The following MAPKBP1 variants were observed in gnomAD, a reference collection of about 807,000 sequenced individuals.
MAPKBP1 encodes the protein mitogen-activated protein kinase-binding protein 1.
Under a neutral mutation model 170.5 loss-of-function variants are expected in MAPKBP1, and 71 were observed. The observed-to-expected ratio is 0.42, with a 90% CI of 0.34 to 0.51. The LOEUF is 0.51. Ranked by LOEUF, MAPKBP1 falls within the 20% of genes least tolerant of loss-of-function variation. MAPKBP1 has a pLI of 0.06. For missense variants in MAPKBP1, 1,598 were observed against 1,933.0 expected (o/e 0.83, Z 3.25); for synonymous variants, 719 against 757.9 (o/e 0.95, Z 0.84).
At chr15:41,811,033 G>A in intron 4 of MAPKBP1, 88 bp downstream of exon 4, 2 of 1,566,334 alleles carry the variant, frequency 1.3e-6, no homozygotes, top group Non-Finnish European at 1.8e-6. Flanking sequence ...TCTGGGGGCT[G>A]GGACCTGGTT....
Position 41,818,695 on chromosome 15 carries a change from C to G in MAPKBP1, c.2156+113C>G. 1 of 1,510,460 alleles carries G rather than the reference C, an allele frequency of 6.6e-7. No individual in the cohort carries two copies. Among genetic ancestry groups the G allele is most frequent in the African/African-American group, 1.4e-5 (1 of 72,598 alleles). 93.6% of individuals were successfully genotyped at this position (1,510,460 alleles called of 1,614,324 possible). A position where few individuals can be genotyped will look rare whatever the true frequency, so the allele number is the denominator to read the frequency against. ...TGGGAAGTGGGGTTAACAGGGATAG[C>G]TTTTGGCTGTGCTTGACCTGAAGTG... On this transcript the variant is annotated intron_variant, in intron 19 of 30. Transcript: ENST00000457542. The surrounding 1 kb of genome is among the most constrained non-coding windows in gnomAD (Gnocchi z 5.2).
chr15:41,774,956 T>A (rs1333190995), intron 1 of MAPKBP1: 1 of 486,042 alleles, frequency 2.1e-6, no homozygotes, highest in Admixed American at 3.7e-5. Flanking sequence ...GTTAAACGCC[T>A]CTGGCGGGCG....
chr15:41,818,690 G>A lies in MAPKBP1; in HGVS notation c.2156+108G>A. 6.6e-7 allele frequency: 1 copy of A among 1,505,990 alleles called. No homozygotes were observed. Among genetic ancestry groups the A allele is most frequent in the East Asian group, 2.3e-5 (1 of 43,384 alleles). The allele number at this position is 1,505,990 out of a possible 1,614,324, so 93.3% of individuals were successfully genotyped here. ...GTCTCTGGGAAGTGGGGTTAACAGG[G>A]ATAGCTTTTGGCTGTGCTTGACCTG... On this transcript the variant is annotated intron_variant, in intron 19 of 30. Transcript: ENST00000457542. The surrounding 1 kb of genome is among the most constrained non-coding windows in gnomAD (Gnocchi z 5.2).
In MAPKBP1 at chr15:41,774,520, C is replaced by G. The variant is rs1297826718; in HGVS notation, c.-200C>G. ...GCCACCATAGCTCCTGCTGCTGCCT[C>G]TACCGCTGCGGCTACCGCGGCGGAG... On this transcript the variant is annotated 5_prime_UTR_variant, in exon 1 of 31. Coordinates refer to ENST00000457542, the MANE Select transcript of MAPKBP1 (RefSeq NM_014994.3). 2 of 398,528 alleles carry G rather than the reference C, an allele frequency of 5.0e-6. No individual in the cohort carries two copies. The highest frequency in any genetic ancestry group is 8.8e-6 in the Non-Finnish European group (2 of 225,990). The allele number at this position is 398,528 out of a possible 1,614,324, so 24.7% of individuals were successfully genotyped here.
chr15:41,819,726 C>T, intron 22 of MAPKBP1, 76 bp downstream of exon 22: 4 of 1,455,720 alleles, frequency 2.7e-6, no homozygotes, highest in East Asian at 4.6e-5. Flanking sequence ...GCTCTCTGGG[C>T]CTGGTAGGGT....
At chr15:41,782,859 A>G (rs2064214815) in intron 2 of MAPKBP1, among the ~76,000 whole-genome samples, 1 of 152,230 alleles carries the variant, frequency 6.6e-6, no homozygotes, top group African/African-American at 2.4e-5. Context: ...ATAAAAGTCA[A>G]TTTAATGAAT....
chr15:41,811,951 C>G lies in MAPKBP1; in HGVS notation c.328-6C>G. ...GAACTCACTTCCAGTTCTTGCCTCC[C>G]TGCAGAGTGGGCACATGCCTGCCGT... On this transcript the variant is annotated splice_polypyrimidine_tract_variant and splice_region_variant and intron_variant, in intron 5 of 30. Coordinates refer to ENST00000457542, the MANE Select transcript of MAPKBP1 (RefSeq NM_014994.3). The G allele has an allele frequency of 6.2e-7, 1 of 1,614,034 alleles. No individual in the cohort carries two copies. The highest frequency in any genetic ancestry group is 8.5e-7 in the Non-Finnish European group (1 of 1,179,962).
In MAPKBP1 at chr15:41,819,313, G is replaced by T. The variant is rs1305136195; in HGVS notation, c.2359G>T (p.Asp787Tyr). 4 of 1,614,216 alleles carry T rather than the reference G, an allele frequency of 2.5e-6. No homozygotes were observed. The highest frequency in any genetic ancestry group is 1.1e-5 in the South Asian group (1 of 91,084). Residue 787 changes from aspartate (D) to tyrosine (Y), a missense_variant, in exon 21 of 31, where the codon GAT (aspartate) becomes TAT (tyrosine). Asp to Tyr is a radical substitution (Grantham distance 160). Coordinates refer to ENST00000457542, the MANE Select transcript of MAPKBP1 (RefSeq NM_014994.3). ...ATCAGACAGTGACAAGGAGGGAGAA[G>T]ATGAGGGGACTGAAGAAGAACTTCC... is the stretch of plus-strand genomic sequence containing the variant. ...LSSDSDKEGE[D>Y]EGTEEELPAL...
Position 41,823,860 on chromosome 15 carries a change from T to C in MAPKBP1, c.4012T>C (p.Trp1338Arg), listed in dbSNP as rs1053207932. The stretch of plus-strand genomic sequence containing the variant: ...AAAAGCTCACAGTACAACTGAGAGA[T>C]GGGCCTGTTTGGGGGAGGGCACCAC... Reference protein sequence around the residue: ...LGKAHSTTERWACLGEGTTPK... With the variant: ...LGKAHSTTERRACLGEGTTPK... The change falls in exon 29 of 31, where the codon TGG becomes CGG. Residue 1338 changes from tryptophan to arginine, a missense_variant. By Grantham distance (101) the Trp-to-Arg change is moderately radical. Around this residue, in one of 6 missense-constraint regions of MAPKBP1, gnomAD observed 942 missense variants for 953.2 expected, o/e 0.99. Coordinates refer to ENST00000457542, the MANE Select transcript of MAPKBP1 (RefSeq NM_014994.3). 6 of 1,614,050 alleles carry C rather than the reference T, an allele frequency of 3.7e-6. No individual in the cohort carries two copies.
At chr15:41,777,342 A>C (rs76714591) in intron 2 of MAPKBP1, among the ~76,000 whole-genome samples, 2 of 145,942 alleles carry the variant, frequency 1.4e-5, no homozygotes, top group Non-Finnish European at 3.0e-5. Context: ...CTCCGTCTCA[A>C]AAAAAAAAAA....
Position 41,813,041 on chromosome 15 carries a change from C to A in MAPKBP1, c.759C>A (p.Ser253=). The A allele has an allele frequency of 6.2e-7, 1 of 1,613,816 alleles. No homozygotes were observed. Among genetic ancestry groups the A allele is most frequent in the East Asian group, 2.2e-5 (1 of 44,888 alleles). Residue 253 remains serine, a synonymous_variant, in exon 8 of 31, where the codon TCC becomes TCA. Transcript: ENST00000457542. Reference sequence around the variant, plus strand: ...CGGACAGTACCTTCTGCATCACGTCCTCAGGGCTGCTGTGCGAGTTCAGTG... The same window carrying A: ...CGGACAGTACCTTCTGCATCACGTCATCAGGGCTGCTGTGCGAGTTCAGTG... ...KKADSTFCIT[S]SGLLCEFSDR... is the part of the protein sequence containing the mutation.
intron 2 of MAPKBP1, among the ~76,000 whole-genome samples, chr15:41,790,583 AG>A (rs1260351683): frequency 6.6e-6 from 1 of 152,166 alleles, no homozygotes; most frequent in Admixed American, 6.5e-5. Context: ...TTTTAATCTT[AG>A]TCTGGAGAAT....
At chr15:41,814,866 C>A in intron 10 of MAPKBP1, 127 bp downstream of exon 10, 1 of 1,201,752 alleles carries the variant, frequency 8.3e-7, no homozygotes, top group Non-Finnish European at 1.2e-6. Context: ...CCAGTGACTT[C>A]CCTGGGATAG....
At chr15:41,799,567 C>T (rs969633631) in intron 2 of MAPKBP1, among the ~76,000 whole-genome samples, 90 of 152,096 alleles carry the variant, frequency 5.9e-4, no homozygotes, top group African/African-American at 1.9e-3. Flanking sequence ...TATGCTTTAA[C>T]GAGTTGGTGT....
At chr15:41,819,549 G>GGGGGGT in intron 21 of MAPKBP1, 46 bp from the exon 22 acceptor site, 1 of 1,448,748 alleles carries the variant, frequency 6.9e-7, no homozygotes, top group Non-Finnish European at 9.3e-7. Flanking sequence ...TTGGGTGGCG[G>GGGGGGT]GGGGGGGGCA....
chr15:41,824,201 A>T, intron 29 of MAPKBP1, 140 bp downstream of exon 29: 1 of 1,192,020 alleles, frequency 8.4e-7, no homozygotes, highest in Non-Finnish European at 1.2e-6. Context: ...GCAGGTCCGT[A>T]AGTCACACCC....
intron 3 of MAPKBP1, among the ~76,000 whole-genome samples, chr15:41,807,925 G>A (rs996167617): frequency 3.3e-5 from 5 of 151,594 alleles, no homozygotes; most frequent in African/African-American, 1.2e-4. Context: ...TGTAATCCCA[G>A]CTACTGGGGA....
At chr15:41,821,503 G>A (rs1596098437) in intron 23 of MAPKBP1, 81 bp from the exon 24 acceptor site, 1 of 1,369,940 alleles carries the variant, frequency 7.3e-7, no homozygotes, top group Admixed American at 1.8e-5. Flanking sequence ...TTGGCCCCCA[G>A]GATACTCAGG....
chr15:41,778,709 A>G (rs1214822386), intron 2 of MAPKBP1, among the ~76,000 whole-genome samples: 1 of 152,182 alleles, frequency 6.6e-6, no homozygotes, highest in Non-Finnish European at 1.5e-5. Context: ...TAAGAAGCAA[A>G]TGTATGTGTT....
Sources: gnomAD v4.1 joint callset for allele counts (sites outside exome capture counted in the v4.1 genomes callset) on GRCh38, gnomAD v4.1.1 for gene constraint, gnomAD v4.1.1 regional missense constraint, Gnocchi (gnomAD v3.1) non-coding constraint, MANE v1.5 for transcripts, NCBI Gene and HGNC (gene_info 2026-07-23, HGNC 2026-07-21) for gene names.